CYP7B1: variants seen among roughly 807,000 people sequenced by gnomAD.
The protein encoded by CYP7B1 is cytochrome P450 family 7 subfamily B member 1.
In CYP7B1, 29 loss-of-function variants were observed where a neutral mutation model predicts 42.7. The observed-to-expected ratio is 0.68, with a 90% CI of 0.51 to 0.93. The LOEUF is 0.93. Among genes scored for constraint, CYP7B1 ranks in the 40% least tolerant of loss-of-function variants. The pLI is 0.00. For synonymous variants in CYP7B1, 235 were observed against 218.2 expected (o/e 1.08, Z -0.68); for missense variants, 655 against 600.5 (o/e 1.09, Z -0.95).
At chr8:64,588,679 A>C (rs1804998954), downstream of CYP7B1, among the ~76,000 whole-genome samples, 1 of 152,208 alleles carries the variant, frequency 6.6e-6, no homozygotes, top group Non-Finnish European at 1.5e-5. Flanking sequence ...CAGTTTTTGT[A>C]CCTAACTAGT....
intron 1 of CYP7B1, among the ~76,000 whole-genome samples, chr8:64,732,510 G>A (rs1034368260): frequency 3.7e-4 from 56 of 152,148 alleles, no homozygotes; most frequent in Admixed American, 2.6e-3. Flanking sequence ...GCTCATAGGC[G>A]GAAGGGATTT....
intron 1 of CYP7B1, among the ~76,000 whole-genome samples, chr8:64,758,315 C>A (rs1807836816): frequency 6.6e-6 from 1 of 152,178 alleles, no homozygotes; most frequent in East Asian, 1.9e-4. Flanking sequence ...GAACCCTTCT[C>A]TCCACTGCTG....
rs550840406 is a variant in CYP7B1, at chr8:64,640,050, A to T, written c.123-15511T>A. Among the ~76,000 whole-genome samples, 98 of 152,264 alleles carry T rather than the reference A, an allele frequency of 6.4e-4. 1 individual carries two copies. Among genetic ancestry groups the T allele is most frequent in the African/African-American group, 2.0e-3 (84 of 41,562 alleles). On this transcript the variant is annotated intron_variant, in intron 1 of 5. Coordinates refer to ENST00000310193, the MANE Select transcript of CYP7B1 (RefSeq NM_004820.5). The stretch of plus-strand genomic sequence containing the variant: ...AAAAGCATTATGCTAAGACAAAGAA[A>T]CCAGACACCTGATTCCATTTATATG...
At chr8:64,735,251 T>C (rs1181645018) in intron 1 of CYP7B1, among the ~76,000 whole-genome samples, 1 of 152,212 alleles carries the variant, frequency 6.6e-6, no homozygotes, top group Non-Finnish European at 1.5e-5. Context: ...CTGCAAAATA[T>C]GTCGCTTTGG....
At chr8:64,752,698 G>A (rs915591763) in intron 1 of CYP7B1, among the ~76,000 whole-genome samples, 2 of 152,156 alleles carry the variant, frequency 1.3e-5, no homozygotes, top group African/African-American at 4.8e-5. Context: ...TTCTACATAT[G>A]TAAGTCTATA....
rs948051257 is a variant in CYP7B1 at position 64,593,626 on chromosome 8, G to T, written c.*3016C>A. Reference sequence around the variant, plus strand: ...ATGCAAATACAAATTCTCTCTTGAGGAATGAACTTTAAATCTAGGTCTAAA... The same window carrying T: ...ATGCAAATACAAATTCTCTCTTGAGTAATGAACTTTAAATCTAGGTCTAAA... On this transcript the variant is annotated 3_prime_UTR_variant, in exon 6 of 6. Coordinates refer to ENST00000310193, the MANE Select transcript of CYP7B1 (RefSeq NM_004820.5). 6.6e-6 allele frequency among the ~76,000 whole-genome samples: 1 copy of T among 152,068 alleles called. No homozygotes were observed. The highest frequency in any genetic ancestry group is 1.5e-5 in the Non-Finnish European group (1 of 68,032).
At chr8:64,601,884 C>A (rs1805210020) in intron 5 of CYP7B1, among the ~76,000 whole-genome samples, 1 of 152,106 alleles carries the variant, frequency 6.6e-6, no homozygotes, top group Non-Finnish European at 1.5e-5. Context: ...TCTCCTTTTG[C>A]CATAGTTCTT....
At chr8:64,653,035 C>T (rs1806064113) in intron 1 of CYP7B1, among the ~76,000 whole-genome samples, 1 of 152,124 alleles carries the variant, frequency 6.6e-6, no homozygotes, top group Middle Eastern at 3.2e-3. Flanking sequence ...TAAATATCCA[C>T]ATCCAAAAGT....
chr8:64,604,769 G>C lies in CYP7B1; in HGVS notation c.1146C>G (p.Thr382=). The C allele has an allele frequency of 6.2e-7, 1 of 1,614,082 alleles. No homozygotes were observed. Among genetic ancestry groups the C allele is most frequent in the Non-Finnish European group, 8.5e-7 (1 of 1,180,008 alleles). Reference sequence around the variant, plus strand: ...CTCCCTTTCGCACACAGTAGTCCCCGGTCTCTGAACTGAGAGTCAAATCCT... The same window carrying C: ...CTCCCTTTCGCACACAGTAGTCCCCCGTCTCTGAACTGAGAGTCAAATCCT... ...VEEDLTLSSE[T]GDYCVRKGDL... is the part of the protein sequence containing the mutation. The change falls in exon 5 of 6, where the codon ACC becomes ACG. Residue 382 remains threonine (T), a synonymous_variant. Transcript: ENST00000310193.
At chr8:64,628,608 AC>A (rs1333053555) in intron 1 of CYP7B1, among the ~76,000 whole-genome samples, 1 of 152,152 alleles carries the variant, frequency 6.6e-6, no homozygotes. Context: ...AGATCGCACC[AC>A]TGCATTCTAG....
rs539509524 is a variant in CYP7B1 at position 64,614,531 on chromosome 8, C to T, written c.1057+495G>A. ...CTTTTTTGTGGGTTTAAATCACGAA[C>T]TTCCAATGGAAAACTGTTTTCTGTG... On this transcript the variant is annotated intron_variant, in intron 4 of 5. Coordinates refer to ENST00000310193, the MANE Select transcript of CYP7B1 (RefSeq NM_004820.5). Among the ~76,000 whole-genome samples, 170 of 152,086 alleles carry T rather than the reference C, an allele frequency of 1.1e-3. 1 individual carries two copies. The highest frequency in any genetic ancestry group is 4.0e-3 in the African/African-American group (164 of 41,502).
chr8:64,615,316 GAC>G, intron 3 of CYP7B1, 84 bp from the exon 4 acceptor site: 1 of 1,365,304 alleles, frequency 7.3e-7, no homozygotes, highest in Non-Finnish European at 1.0e-6. Flanking sequence ...AAGATGTTAG[GAC>G]ACAGACCCAG....
At chr8:64,638,469 A>T (rs1365390998) in intron 1 of CYP7B1, among the ~76,000 whole-genome samples, 1 of 152,188 alleles carries the variant, frequency 6.6e-6, no homozygotes, top group African/African-American at 2.4e-5. Flanking sequence ...AACATTAACC[A>T]ATTTTGAATT....
At chr8:64,651,091 A>G (rs963777100) in intron 1 of CYP7B1, among the ~76,000 whole-genome samples, 2 of 152,234 alleles carry the variant, frequency 1.3e-5, no homozygotes, top group African/African-American at 2.4e-5. Flanking sequence ...TTCTGATCAC[A>G]TGAGCTTTGG....
chr8:64,600,412 G>C (rs1303989113), intron 5 of CYP7B1, among the ~76,000 whole-genome samples: 2 of 152,152 alleles, frequency 1.3e-5, no homozygotes, highest in African/African-American at 4.8e-5. Context: ...ACACACAATA[G>C]GATCATGTCT....
chr8:64,644,037 G>A (rs946205392), intron 1 of CYP7B1, among the ~76,000 whole-genome samples: 1 of 152,200 alleles, frequency 6.6e-6, no homozygotes, highest in African/African-American at 2.4e-5. Context: ...CACTTTGGGA[G>A]ACTGAGGCAG....
chr8:64,791,475 G>A (rs1429366991), intron 1 of CYP7B1, among the ~76,000 whole-genome samples: 1 of 152,144 alleles, frequency 6.6e-6, no homozygotes, highest in Non-Finnish European at 1.5e-5. Context: ...GAGGGGAGTG[G>A]AAATGTCAGC....
intron 1 of CYP7B1, among the ~76,000 whole-genome samples, chr8:64,762,134 G>A (rs1168722045): frequency 6.6e-6 from 1 of 152,068 alleles, no homozygotes; most frequent in African/African-American, 2.4e-5. Flanking sequence ...ATCCTAATTA[G>A]AGCCCAAAAA....
intron 1 of CYP7B1, among the ~76,000 whole-genome samples, chr8:64,657,031 T>C (rs1199892886): frequency 6.6e-6 from 1 of 151,904 alleles, no homozygotes; most frequent in African/African-American, 2.4e-5. Flanking sequence ...CTAGCAAAAA[T>C]TTTGATAACA....
Sources: allele counts gnomAD v4.1 joint callset (sites outside exome capture counted in the v4.1 genomes callset), GRCh38; gene constraint gnomAD v4.1.1; transcripts MANE v1.5; gene names NCBI Gene and HGNC (gene_info 2026-07-23, HGNC 2026-07-21).